OOSP1: variants seen among roughly 807,000 people sequenced by gnomAD.
OOSP1 encodes putative oocyte-secreted protein 1 homolog.
OOSP1 carries 11 observed loss-of-function variants against 5.7 expected under a neutral mutation model. That is an observed-to-expected ratio of 1.94 (90% CI 1.22 to 3.20). OOSP1 has a LOEUF of 3.20. Ranked by LOEUF, OOSP1 falls within the 30% of genes most tolerant of loss-of-function variation. The pLI is 0.00. For synonymous variants in OOSP1, 44 were observed against 20.0 expected (o/e 2.20, Z -3.20); for missense variants, 83 against 54.1 (o/e 1.53, Z -1.67).
chr11:59,956,212 A>T (rs535800391), intron 4 of OOSP1, among the ~76,000 whole-genome samples: 47 of 149,782 alleles, frequency 3.1e-4, no homozygotes, highest in Admixed American at 8.6e-4. Context: ...TTTTTTTTTT[A>T]AAGTAATTCA....
At chr11:59,945,252 G>C in exon 3 of OOSP1, 1 of 702,928 alleles carries the variant, frequency 1.4e-6, no homozygotes, top group Non-Finnish European at 2.6e-6. Flanking sequence ...TGCCTCTGTC[G>C]TGTGTCGTCC....
At chr11:59,945,934 G>A (rs531738908) in intron 3 of OOSP1, among the ~76,000 whole-genome samples, 4 of 152,096 alleles carry the variant, frequency 2.6e-5, no homozygotes, top group South Asian at 2.1e-4. Flanking sequence ...GCATACTCAC[G>A]TGGCTGGAGC....
intron 4 of OOSP1, among the ~76,000 whole-genome samples, chr11:59,950,405 G>C (rs1853927075): frequency 6.6e-6 from 1 of 152,184 alleles, no homozygotes; most frequent in Non-Finnish European, 1.5e-5. Flanking sequence ...GATTGCATGA[G>C]TTCAAAGCAA....
At chr11:59,953,784 T>G (rs755450663) in intron 4 of OOSP1, among the ~76,000 whole-genome samples, 1 of 152,184 alleles carries the variant, frequency 6.6e-6, no homozygotes, top group Non-Finnish European at 1.5e-5. Flanking sequence ...GAAATCGACA[T>G]GTAATATAGA....
At chr11:59,948,820 T>C (rs545796391) in intron 4 of OOSP1, 1 of 398,060 alleles carries the variant, frequency 2.5e-6, no homozygotes, top group South Asian at 1.3e-4. Flanking sequence ...CATGATTGCT[T>C]AGGACTGAGG....
intron 4 of OOSP1, chr11:59,948,727 C>T (rs984869615): frequency 1.0e-5 from 4 of 397,942 alleles, no homozygotes; most frequent in Middle Eastern, 6.2e-4. Context: ...TACACTCCCT[C>T]GTTCATCAAA....
At chr11:59,949,594 G>A (rs917979723) in intron 4 of OOSP1, among the ~76,000 whole-genome samples, 2 of 152,104 alleles carry the variant, frequency 1.3e-5, no homozygotes, top group Non-Finnish European at 2.9e-5. Flanking sequence ...AGTCATACAG[G>A]TGAGGTCTTA....
chr11:59,942,998 C>T (rs767014965), exon 2 of OOSP1: 95 of 702,772 alleles, frequency 1.4e-4, no homozygotes, highest in Non-Finnish European at 2.2e-4. Context: ...AGTTTTTCTA[C>T]CATCCTCATG....
intron 1 of OOSP1, 72 bp from the exon 2 acceptor site, chr11:59,942,775 G>GGGTATGCT: frequency 1.6e-6 from 1 of 641,342 alleles, no homozygotes; most frequent in Non-Finnish European, 2.8e-6. Context: ...TGTATTAACA[G>GGGTATGCT]GGTATGCTAA....
exon 5 of OOSP1, chr11:59,957,335 T>C (rs1854002629): frequency 2.5e-6 from 1 of 396,888 alleles, no homozygotes; most frequent in Non-Finnish European, 4.4e-6. Context: ...CATTTATCCA[T>C]CCAAGGTACT....
At position 59,939,106 on chromosome 11, in the gene OOSP1, C is replaced by T. The variant is rs536596540; in HGVS notation, c.76+576C>T. Among the ~76,000 whole-genome samples the T allele has an allele frequency of 2.0e-5, 3 of 152,236 alleles. No homozygotes were observed. In the East Asian group the frequency reaches 5.8e-4, roughly 29 times the overall value. The stretch of plus-strand genomic sequence containing the variant: ...AGCCCTGAGTATAAACTTGGGCTGT[C>T]AGTTTCTCTTCCTCTATTTCTGCTT... On this transcript the variant is annotated intron_variant, in intron 1 of 4. Coordinates refer to ENST00000646685, the Ensembl canonical transcript of OOSP1.
At chr11:59,945,664 T>C (rs1426268483) in intron 3 of OOSP1, among the ~76,000 whole-genome samples, 1 of 136,020 alleles carries the variant, frequency 7.4e-6, no homozygotes, top group Non-Finnish European at 1.5e-5. Context: ...GGCAGCAGAA[T>C]GGCGTGAACC....
rs1020861146 is a variant in OOSP1, at chr11:59,945,113, A to G, written c.259-56A>G. 8.6e-6 allele frequency: 6 copies of G among 697,818 alleles called. No individual in the cohort carries two copies. The African/African-American group carries it at 8.8e-5, about 10-fold the overall frequency. The allele number at this position is 697,818 out of a possible 1,614,324, so 43.2% of individuals were successfully genotyped here. A position where few individuals can be genotyped will look rare whatever the true frequency, so the allele number is the denominator to read the frequency against. ...ATAAATTCCTATTTAAATGCCTGTA[A>G]GTTTCCTGAGATACTTGAGACAAAC... On this transcript the variant is annotated intron_variant, in intron 2 of 4. Transcript: ENST00000646685.
intron 4 of OOSP1, chr11:59,948,728 G>A (rs1590892791): frequency 5.0e-6 from 2 of 397,918 alleles, no homozygotes; most frequent in East Asian, 3.6e-5. Flanking sequence ...ACACTCCCTC[G>A]TTCATCAAAT....
chr11:59,951,818 T>C (rs1853943742), intron 4 of OOSP1, among the ~76,000 whole-genome samples: 1 of 129,722 alleles, frequency 7.7e-6, no homozygotes, highest in Non-Finnish European at 1.6e-5. Flanking sequence ...AACCACTATT[T>C]GGACAAGTTT....
chr11:59,938,584 G>A (rs1354328393), intron 1 of OOSP1, 54 bp downstream of exon 1: 3 of 458,744 alleles, frequency 6.5e-6, no homozygotes, highest in Non-Finnish European at 7.9e-6. Context: ...TGAAAGATGT[G>A]GCTTTGGATT....
chr11:59,945,360 A>G (rs191261763), intron 3 of OOSP1, 94 bp downstream of exon 3: 2 of 700,204 alleles, frequency 2.9e-6, no homozygotes, highest in African/African-American at 1.8e-5. Flanking sequence ...TGGTACAACC[A>G]GTGATGGGAG....
chr11:59,941,826 T>C (rs1440401337), intron 1 of OOSP1, among the ~76,000 whole-genome samples: 1 of 152,232 alleles, frequency 6.6e-6, no homozygotes, highest in African/African-American at 2.4e-5. Context: ...CATTTCACAT[T>C]GTCCCAGCAA....
At chr11:59,956,393 A>T (rs971267057) in intron 4 of OOSP1, among the ~76,000 whole-genome samples, 59 of 151,862 alleles carry the variant, frequency 3.9e-4, no homozygotes, top group African/African-American at 1.4e-3. Flanking sequence ...CTTTCATCAG[A>T]GCCTTAAGAT....
Sources: gnomAD v4.1 joint callset for allele counts (sites outside exome capture counted in the v4.1 genomes callset) on GRCh38, gnomAD v4.1.1 for gene constraint, MANE v1.5 for transcripts, NCBI Gene and HGNC (gene_info 2026-07-23, HGNC 2026-07-21) for gene names.